The following DOCK3 variants were observed in gnomAD, a reference collection of about 807,000 sequenced individuals.
DOCK3 encodes the protein dedicator of cytokinesis 3.
In DOCK3, 60 loss-of-function variants were observed where a neutral mutation model predicts 265.6. The observed-to-expected ratio is 0.23, with a 90% confidence interval of 0.18 to 0.28. The LOEUF is 0.28. DOCK3 is among the 10% of genes least tolerant of loss of function. The pLI is 1.00. For missense variants in DOCK3, 1,981 were observed against 2,594.3 expected, an observed-to-expected ratio of 0.76 and a Z score of 5.14; for synonymous variants, 881 against 938.0, an observed-to-expected ratio of 0.94 and a Z score of 1.11.
intron 5 of DOCK3, among the ~76,000 whole-genome samples, chr3:50,948,021 AATTATT>A (rs374547418): frequency 0.26 from 30,839 of 119,864 alleles, 4,789 homozygotes; most frequent in East Asian, 0.37. Context: ...ACGCCCAGCT[AATTATT>A]ATTATTATTA....
intron 4 of DOCK3, among the ~76,000 whole-genome samples, chr3:50,905,594 A>G (rs2049446959): frequency 6.6e-6 from 1 of 151,954 alleles, no homozygotes. Flanking sequence ...AATGCTTGTG[A>G]TTTTTGCACA....
intron 19 of DOCK3, among the ~76,000 whole-genome samples, chr3:51,232,220 G>A (rs1481524994): frequency 1.3e-5 from 2 of 152,016 alleles, no homozygotes; most frequent in East Asian, 1.9e-4. Flanking sequence ...AGGTTTTGGT[G>A]CACCTATCAC....
chr3:51,085,409 C>G (rs779141786), intron 7 of DOCK3, among the ~76,000 whole-genome samples: 11 of 152,132 alleles, frequency 7.2e-5, no homozygotes, highest in Non-Finnish European at 1.6e-4. Flanking sequence ...CAGGATACAG[C>G]ACATATTAGG....
intron 4 of DOCK3, among the ~76,000 whole-genome samples, chr3:50,903,909 C>G (rs1046875363): frequency 2.6e-5 from 4 of 152,000 alleles, no homozygotes; most frequent in African/African-American, 9.7e-5. Flanking sequence ...TGATATCTCT[C>G]CCCACTCCCC....
chr3:51,132,906 C>A (rs1309433041), intron 9 of DOCK3, among the ~76,000 whole-genome samples: 2 of 152,152 alleles, frequency 1.3e-5, no homozygotes, highest in Non-Finnish European at 2.9e-5. Flanking sequence ...GTCAGCATCC[C>A]CTCCCCGACC....
intron 3 of DOCK3, among the ~76,000 whole-genome samples, chr3:50,888,806 A>C (rs1310735270): frequency 1.3e-5 from 2 of 152,200 alleles, no homozygotes; most frequent in Non-Finnish European, 2.9e-5. Flanking sequence ...CTGGCTAGCC[A>C]TATGTAGAAA....
chr3:51,065,631 T>TA (rs2081563778), intron 6 of DOCK3, among the ~76,000 whole-genome samples: 2 of 152,114 alleles, frequency 1.3e-5, no homozygotes, highest in Non-Finnish European at 2.9e-5. Flanking sequence ...TAAACAAATA[T>TA]AAAAAATGGC....
Position 51,073,802 on chromosome 3 carries a change from C to T in DOCK3, c.465-1554C>T, listed in dbSNP as rs140519559. Among the ~76,000 whole-genome samples, 1,112 of 152,182 alleles carry T rather than the reference C, an allele frequency of 7.3e-3. 7 individuals are homozygous for T. Among genetic ancestry groups the T allele is most frequent in the African/African-American group, 0.01 (430 of 41,552 alleles). On this transcript the variant is annotated intron_variant, in intron 6 of 52. Coordinates refer to ENST00000266037, the MANE Select transcript of DOCK3 (RefSeq NM_004947.5). ...TTTTTCTTGCCTGCTAGAAAGTATA[C>T]ATATAAATTTTAATTCTTAATCCTA...
intron 12 of DOCK3, among the ~76,000 whole-genome samples, chr3:51,204,682 C>G (rs2089059922): frequency 6.9e-6 from 1 of 145,544 alleles, no homozygotes; most frequent in Non-Finnish European, 1.5e-5. Flanking sequence ...ACCCAAAGGA[C>G]TATAAATCAT....
intron 27 of DOCK3, among the ~76,000 whole-genome samples, chr3:51,308,125 G>C (rs2082805128): frequency 6.6e-6 from 1 of 151,912 alleles, no homozygotes; most frequent in African/African-American, 2.4e-5. Flanking sequence ...TGATTCTACA[G>C]CAGCTTGTTT....
At chr3:51,016,589 T>C (rs1281208350) in intron 5 of DOCK3, among the ~76,000 whole-genome samples, 12 of 92,778 alleles carry the variant, frequency 1.3e-4, no homozygotes, top group Non-Finnish European at 2.1e-4. Flanking sequence ...ATATATCATA[T>C]ATTATATATG....
chr3:51,364,078 G>A (rs1395277068), intron 49 of DOCK3, among the ~76,000 whole-genome samples: 15 of 152,206 alleles, frequency 9.9e-5, no homozygotes, highest in Admixed American at 4.6e-4. Flanking sequence ...TTCCACAATG[G>A]TTGAACTAGT....
chr3:50,963,547 G>T (rs545108945), intron 5 of DOCK3, among the ~76,000 whole-genome samples: 1 of 152,164 alleles, frequency 6.6e-6, no homozygotes, highest in East Asian at 1.9e-4. Flanking sequence ...ATAGACTTCT[G>T]CTTCTGCCCA....
At chr3:51,206,351 C>A (rs1447406987) in intron 12 of DOCK3, among the ~76,000 whole-genome samples, 2 of 152,074 alleles carry the variant, frequency 1.3e-5, no homozygotes, top group African/African-American at 4.8e-5. Flanking sequence ...AGATGATTAG[C>A]AAGACACAGT....
At chr3:50,764,523 A>G (rs2040740659) in intron 1 of DOCK3, among the ~76,000 whole-genome samples, 1 of 152,202 alleles carries the variant, frequency 6.6e-6, no homozygotes, top group Non-Finnish European at 1.5e-5. Flanking sequence ...GTATTTAGGA[A>G]TTCTTGGAAA....
chr3:51,002,993 C>T (rs552835808), intron 5 of DOCK3, among the ~76,000 whole-genome samples: 1 of 152,244 alleles, frequency 6.6e-6, no homozygotes, highest in South Asian at 2.1e-4. Context: ...TATGCCCTGA[C>T]TAGTCAAATA....
At chr3:51,371,885 C>T (rs902068259) in intron 49 of DOCK3, among the ~76,000 whole-genome samples, 1 of 152,150 alleles carries the variant, frequency 6.6e-6, no homozygotes, top group Non-Finnish European at 1.5e-5. Context: ...TGAGAGACCA[C>T]GGACAACCTG....
rs2086346172 is a variant in DOCK3, at chr3:51,356,157, G to C, written c.4318G>C (p.Asp1440His). The stretch of plus-strand genomic sequence containing the variant: ...TGTTCTGCAGATGGATAGGGTACCA[G>C]ATCGAGTCAAGAGCTTCTATCGCGT... ...VDVLQMDRVP[D>H]RVKSFYRVNN... The change falls in exon 42 of 53, where the codon GAT becomes CAT. Residue 1440 changes from aspartate (D) to histidine (H), a missense_variant. Physicochemically the swap from Asp to His is moderately conservative, Grantham distance 81 (BLOSUM62 -1). Transcript: ENST00000266037. 3.7e-6 allele frequency: 6 copies of C among 1,614,032 alleles called. No homozygotes were observed. Among genetic ancestry groups the C allele is most frequent in the Non-Finnish European group, 4.2e-6 (5 of 1,179,888 alleles).
chr3:50,960,277 A>G (rs1445661026), intron 5 of DOCK3, among the ~76,000 whole-genome samples: 3 of 152,186 alleles, frequency 2.0e-5, no homozygotes, highest in African/African-American at 7.2e-5. Flanking sequence ...AACTTTCAAA[A>G]TGTTTCCCAA....
Sources: allele counts gnomAD v4.1 joint callset (sites outside exome capture counted in the v4.1 genomes callset), GRCh38; gene constraint gnomAD v4.1.1; transcripts MANE v1.5; gene names NCBI Gene and HGNC (gene_info 2026-07-23, HGNC 2026-07-21).